Variants in SLC31A1 observed in about 807,000 individuals in gnomAD.
The protein encoded by SLC31A1 is high affinity copper uptake protein 1.
In SLC31A1, 5 loss-of-function variants were observed where a neutral mutation model predicts 17.2. The observed-to-expected ratio is 0.29, with a 90% CI of 0.15 to 0.61. SLC31A1 has a LOEUF of 0.61. SLC31A1 is among the 20% of genes least tolerant of loss of function. The probability of loss-of-function intolerance (pLI) is 0.86; values close to 1 mark genes in which losing one functional copy is unlikely to be tolerated. For missense variants in SLC31A1, 161 were observed against 241.4 expected (o/e 0.67, Z 2.21); for synonymous variants, 76 against 78.8 (o/e 0.96, Z 0.19).
Position 113,260,810 on chromosome 9 carries a change from A to T in SLC31A1, c.*337A>T. The T allele has an allele frequency of 3.0e-6, 1 of 330,300 alleles. No individual in the cohort carries two copies. Among genetic ancestry groups the T allele is most frequent in the Non-Finnish European group, 5.8e-6 (1 of 172,500 alleles). 20.5% of individuals were successfully genotyped at this position (330,300 alleles called of 1,614,324 possible). A position where few individuals can be genotyped will look rare whatever the true frequency, so the allele number is the denominator to read the frequency against. ...TAGCTTTTTGTTCAATGACTTGATC[A>T]TCTGCTTCCTTTTTGAATTTTTAAC... On this transcript the variant is annotated 3_prime_UTR_variant, in exon 5 of 5. Coordinates refer to ENST00000374212, the MANE Select transcript of SLC31A1 (RefSeq NM_001859.4).
chr9:113,223,309 T>C, intron 1 of SLC31A1: 2 of 419,568 alleles, frequency 4.8e-6, no homozygotes, highest in Non-Finnish European at 9.4e-6. Context: ...GGCTTTGAAC[T>C]GCAGGACTGG....
In SLC31A1 at chr9:113,258,751, A is replaced by G. The variant is rs763599441; in HGVS notation, c.260A>G (p.Lys87Arg). 4 of 1,614,234 alleles carry G rather than the reference A, an allele frequency of 2.5e-6. No individual in the cohort carries two copies. The highest frequency in any genetic ancestry group is 3.4e-6 in the Non-Finnish European group (4 of 1,180,042). ...FLLAMFYEGL[K>R]IARESLLRKS... ...CTAGCAATGTTCTATGAAGGACTCA[A>G]GATAGCCCGAGAGAGCCTGCTGCGT... is the stretch of plus-strand genomic sequence containing the variant. Residue 87 changes from lysine (K) to arginine (R), a missense_variant, in exon 4 of 5, where the codon AAG becomes AGG. Lys to Arg is a conservative substitution (Grantham distance 26, BLOSUM62 2). Coordinates refer to ENST00000374212, the MANE Select transcript of SLC31A1 (RefSeq NM_001859.4). The surrounding 1 kb of genome is among the most constrained non-coding windows in gnomAD (Gnocchi z 4.8).
Position 113,263,706 on chromosome 9 carries a change from A to G in SLC31A1, c.*3233A>G, listed in dbSNP as rs1831819243. On this transcript the variant is annotated 3_prime_UTR_variant, in exon 5 of 5. Coordinates refer to ENST00000374212, the MANE Select transcript of SLC31A1 (RefSeq NM_001859.4). ...GCATGCTTCAAGAGGCAGTTGACCCACTGGAATTTCTATAAGGCTGGTACC... is the reference window on the plus strand; with the variant it reads ...GCATGCTTCAAGAGGCAGTTGACCCGCTGGAATTTCTATAAGGCTGGTACC... 1 of 152,656 alleles carries G rather than the reference A, an allele frequency of 6.6e-6. No homozygotes were observed. The highest frequency in any genetic ancestry group is 2.4e-5 in the African/African-American group (1 of 41,456). 9.5% of individuals were successfully genotyped at this position (152,656 alleles called of 1,614,324 possible). A position where few individuals can be genotyped will look rare whatever the true frequency, so the allele number is the denominator to read the frequency against.
rs541690499 is a variant in SLC31A1, at chr9:113,258,052, C to T, written c.203-642C>T. Among the ~76,000 whole-genome samples the T allele has an allele frequency of 3.0e-4, 46 of 152,122 alleles. No individual in the cohort carries two copies. The highest frequency in any genetic ancestry group is 4.6e-4 in the Non-Finnish European group (31 of 68,020). ...CCCACATCCTTCCTGATTCTTGGCACGGCCCATCTTAGACACTCCTAGTTT... is the reference window on the plus strand; with the variant it reads ...CCCACATCCTTCCTGATTCTTGGCATGGCCCATCTTAGACACTCCTAGTTT... On this transcript the variant is annotated intron_variant, in intron 3 of 4. Coordinates refer to ENST00000374212, the MANE Select transcript of SLC31A1 (RefSeq NM_001859.4). The surrounding 1 kb of genome is among the most constrained non-coding windows in gnomAD (Gnocchi z 4.8).
intron 1 of SLC31A1, among the ~76,000 whole-genome samples, chr9:113,230,817 A>G (rs1039017228): frequency 2.6e-5 from 4 of 152,174 alleles, no homozygotes; most frequent in African/African-American, 9.7e-5. Context: ...TCAGAATTGT[A>G]TCAGCCCCTC....
At chr9:113,260,155 G>C in intron 4 of SLC31A1, 117 bp from the exon 5 acceptor site, 1 of 835,130 alleles carries the variant, frequency 1.2e-6, no homozygotes, top group African/African-American at 1.7e-5. Context: ...GTACCCATGA[G>C]TTGCCAGAGT....
intron 1 of SLC31A1, among the ~76,000 whole-genome samples, chr9:113,244,117 T>A (rs1233648495): frequency 7.3e-6 from 1 of 136,186 alleles, no homozygotes; most frequent in Admixed American, 8.4e-5. Context: ...ATCATACCAC[T>A]GTACTCCAGC....
At chr9:113,253,810 TTA>T (rs1831689333) in intron 1 of SLC31A1, among the ~76,000 whole-genome samples, 1 of 152,132 alleles carries the variant, frequency 6.6e-6, no homozygotes, top group Non-Finnish European at 1.5e-5. Flanking sequence ...GGATCTTTGA[TTA>T]TGCCTACCTG....
At chr9:113,229,918 A>G (rs1031203075) in intron 1 of SLC31A1, among the ~76,000 whole-genome samples, 1 of 152,190 alleles carries the variant, frequency 6.6e-6, no homozygotes, top group African/African-American at 2.4e-5. Context: ...AGATTTTTCT[A>G]TTGCTTTTCA....
At chr9:113,239,686 T>G (rs1831500034) in intron 1 of SLC31A1, among the ~76,000 whole-genome samples, 1 of 152,176 alleles carries the variant, frequency 6.6e-6, no homozygotes, top group South Asian at 2.1e-4. Flanking sequence ...TGGGTTCAAG[T>G]GATTCTTCTG....
chr9:113,235,918 T>C (rs1456791920), intron 1 of SLC31A1, among the ~76,000 whole-genome samples: 1 of 152,224 alleles, frequency 6.6e-6, no homozygotes, highest in Non-Finnish European at 1.5e-5. Context: ...ATGTGTTTAA[T>C]CAATGTTAAA....
intron 1 of SLC31A1, among the ~76,000 whole-genome samples, chr9:113,237,148 G>A (rs963789378): frequency 6.6e-6 from 1 of 152,196 alleles, no homozygotes; most frequent in African/African-American, 2.4e-5. Flanking sequence ...GGGGCTGTAT[G>A]GAAGTCCATT....
chr9:113,236,957 G>A (rs532829467), intron 1 of SLC31A1, among the ~76,000 whole-genome samples: 10 of 152,312 alleles, frequency 6.6e-5, no homozygotes, highest in South Asian at 4.1e-4. Context: ...GCATATGAAA[G>A]TTCACACAAA....
At chr9:113,239,160 A>G (rs1831495632) in intron 1 of SLC31A1, among the ~76,000 whole-genome samples, 1 of 152,108 alleles carries the variant, frequency 6.6e-6, no homozygotes, top group Non-Finnish European at 1.5e-5. Context: ...CGGGATTTGA[A>G]TACCTTCTGA....
intron 2 of SLC31A1, 192 bp downstream of exon 2, chr9:113,256,469 A>C: frequency 1.3e-5 from 7 of 541,378 alleles, no homozygotes; most frequent in African/African-American, 1.9e-5. Flanking sequence ...TCACACCAGA[A>C]CCAAGATTTT....
At chr9:113,256,463 A>G in intron 2 of SLC31A1, 186 bp downstream of exon 2, 1 of 576,076 alleles carries the variant, frequency 1.7e-6, no homozygotes, top group Non-Finnish European at 3.0e-6. Flanking sequence ...ACAGAGTCAC[A>G]CCAGAACCAA....
chr9:113,253,592 CT>C (rs1012325837), intron 1 of SLC31A1, among the ~76,000 whole-genome samples: 2 of 134,340 alleles, frequency 1.5e-5, no homozygotes, highest in African/African-American at 5.7e-5. Flanking sequence ...TCTTGCTCTG[CT>C]GACCAGGCTG....
At chr9:113,232,449 C>T (rs1463051795) in intron 1 of SLC31A1, among the ~76,000 whole-genome samples, 1 of 152,024 alleles carries the variant, frequency 6.6e-6, no homozygotes, top group Non-Finnish European at 1.5e-5. Flanking sequence ...TGACTGACCA[C>T]CTGATTCAAC....
intron 1 of SLC31A1, among the ~76,000 whole-genome samples, chr9:113,232,046 T>C (rs1425617060): frequency 1.3e-5 from 2 of 152,222 alleles, no homozygotes; most frequent in African/African-American, 4.8e-5. Flanking sequence ...GCTGGGTAGT[T>C]GAAACTAGGT....
Sources: gnomAD v4.1 joint callset for allele counts (sites outside exome capture counted in the v4.1 genomes callset) on GRCh38, gnomAD v4.1.1 for gene constraint, Gnocchi (gnomAD v3.1) non-coding constraint, MANE v1.5 for transcripts, NCBI Gene and HGNC (gene_info 2026-07-23, HGNC 2026-07-21) for gene names.